RELL1: variants seen among roughly 807,000 people sequenced by gnomAD.
RELL1 encodes RELT like 1, also known as RELT-like protein 1.
RELL1 carries 10 observed loss-of-function variants against 23.0 expected under a neutral mutation model. That is an observed-to-expected ratio of 0.43 (90% CI 0.27 to 0.74). The LOEUF is 0.74. RELL1 is among the 30% of genes least tolerant of loss of function. RELL1 has a pLI of 0.19. For synonymous variants in RELL1, 146 were observed against 146.8 expected (o/e 0.99, Z 0.04); for missense variants, 315 against 364.4 (o/e 0.86, Z 1.10).
rs1188466400 is a variant in RELL1, at chr4:37,649,514, C to A, written c.89-14G>T. On this transcript the variant is annotated splice_polypyrimidine_tract_variant and intron_variant, in intron 1 of 6. Coordinates refer to ENST00000454158, the MANE Select transcript of RELL1 (RefSeq NM_001085400.2). Reference sequence around the variant, plus strand: ...TGCTCCCATTGTCTACAGAAAGAAACATGCATGCTGCATTAGATATCTGTC... The same window carrying A: ...TGCTCCCATTGTCTACAGAAAGAAAAATGCATGCTGCATTAGATATCTGTC... 1 of 1,605,208 alleles carries A rather than the reference C, an allele frequency of 6.2e-7. No homozygotes were observed. The highest frequency in any genetic ancestry group is 1.1e-5 in the South Asian group (1 of 90,826).
At chr4:37,598,108 G>C (rs537102934) in intron 6 of RELL1, among the ~76,000 whole-genome samples, 1 of 79,866 alleles carries the variant, frequency 1.3e-5, no homozygotes, top group Non-Finnish European at 3.1e-5. Context: ...TCCTCCTATA[G>C]CTACTTTTCT....
downstream of RELL1, among the ~76,000 whole-genome samples, chr4:37,605,800 A>AAAG (rs1491427000): frequency 1.0e-5 from 1 of 98,980 alleles, no homozygotes; most frequent in East Asian, 2.3e-4. Flanking sequence ...AAAGAGAAAG[A>AAAG]AAGAAAGAAA....
chr4:37,679,728 G>A (rs1722140280), intron 1 of RELL1, among the ~76,000 whole-genome samples: 1 of 152,142 alleles, frequency 6.6e-6, no homozygotes, highest in Non-Finnish European at 1.5e-5. Context: ...GCCGAGGTGG[G>A]TGGATCACAT....
chr4:37,643,496 GGAAAA>G (rs1482868332), intron 3 of RELL1, among the ~76,000 whole-genome samples: 1 of 152,110 alleles, frequency 6.6e-6, no homozygotes, highest in African/African-American at 2.4e-5. Flanking sequence ...CATGAATCCA[GGAAAA>G]GAAAACCTAA....
rs1048557266 is a variant in RELL1 at position 37,686,284 on chromosome 4, C to T, written c.4G>A (p.Ala2Thr). The T allele has an allele frequency of 3.9e-6, 6 of 1,523,514 alleles. No homozygotes were observed. The African/African-American group carries it at 8.6e-5, about 22-fold the overall frequency. The allele number at this position is 1,523,514 out of a possible 1,614,324, so 94.4% of individuals were successfully genotyped here. A position where few individuals can be genotyped will look rare whatever the true frequency, so the allele number is the denominator to read the frequency against. The change falls in exon 1 of 7, where the codon GCT becomes ACT. Residue 2 changes from alanine to threonine, a missense_variant. Coordinates refer to ENST00000454158, the MANE Select transcript of RELL1 (RefSeq NM_001085400.2). M[A>T]PRALPGSAVL... ...GCGGACCCCGGGAGTGCCCGCGGAG[C>T]CATCGCCGCGTCGCTTCGCCCTCCT...
intron 6 of RELL1, among the ~76,000 whole-genome samples, chr4:37,627,253 A>G (rs1719984976): frequency 6.6e-6 from 1 of 152,210 alleles, no homozygotes; most frequent in Non-Finnish European, 1.5e-5. Context: ...CAGCGAATGG[A>G]ACAAAAGAGG....
chr4:37,675,745 A>G (rs1722007011), intron 1 of RELL1, among the ~76,000 whole-genome samples: 1 of 152,184 alleles, frequency 6.6e-6, no homozygotes, highest in African/African-American at 2.4e-5. Flanking sequence ...AGAGGACAGG[A>G]TACATACAGC....
downstream of RELL1, among the ~76,000 whole-genome samples, chr4:37,609,324 G>C (rs1028409251): frequency 6.6e-6 from 1 of 152,174 alleles, no homozygotes; most frequent in African/African-American, 2.4e-5. Context: ...AAAGCCCACT[G>C]TTGAGACCTA....
rs1194199310 is a variant in RELL1 at position 37,612,332 on chromosome 4, AAAAAAAC to A, written c.*1007_*1013del. Among the ~76,000 whole-genome samples, 3 of 24,902 alleles carry A rather than the reference AAAAAAAC, an allele frequency of 1.2e-4. No homozygotes were observed. The highest frequency in any genetic ancestry group is 5.1e-4 in the Admixed American group (1 of 1,954). 16.3% of individuals were successfully genotyped at this position (24,902 alleles called of 152,430 possible). ...CGCTCAGCTAAAGGTTAAAAAAAAAAAAAAAACAAAAAAAAACAAAAAACCGGGTGCA... is the reference window on the plus strand; with the variant it reads ...CGCTCAGCTAAAGGTTAAAAAAAAAAAAAAAAAAACAAAAAACCGGGTGCA... On this transcript the variant is annotated 3_prime_UTR_variant, in exon 7 of 7. Coordinates refer to ENST00000454158, the MANE Select transcript of RELL1 (RefSeq NM_001085400.2).
chr4:37,624,594 T>C (rs1033162853), intron 6 of RELL1, among the ~76,000 whole-genome samples: 3 of 151,880 alleles, frequency 2.0e-5, no homozygotes, highest in Non-Finnish European at 4.4e-5. Flanking sequence ...CGGCTAATTT[T>C]TTTTTTTGTA....
At chr4:37,646,106 G>A (rs1340762151) in intron 3 of RELL1, among the ~76,000 whole-genome samples, 1 of 152,182 alleles carries the variant, frequency 6.6e-6, no homozygotes, top group Admixed American at 6.5e-5. Context: ...AAAGCCCAGG[G>A]GAAACATTTT....
chr4:37,645,732 C>A (rs6825199), intron 3 of RELL1, among the ~76,000 whole-genome samples: 48,047 of 152,104 alleles, frequency 0.32, 7,773 homozygotes, highest in Middle Eastern at 0.37. Flanking sequence ...TGTAACTGAA[C>A]TAACTTTATA....
At chr4:37,655,769 C>A (rs967326836) in intron 1 of RELL1, among the ~76,000 whole-genome samples, 3 of 152,222 alleles carry the variant, frequency 2.0e-5, no homozygotes, top group African/African-American at 7.2e-5. Context: ...CATTGAGCAA[C>A]TGGATCTGCT....
At chr4:37,682,749 G>A (rs1005018864) in intron 1 of RELL1, among the ~76,000 whole-genome samples, 1 of 152,166 alleles carries the variant, frequency 6.6e-6, no homozygotes, top group Admixed American at 6.5e-5. Flanking sequence ...CTGGCTAAGA[G>A]AGACCCCAGA....
intron 1 of RELL1, among the ~76,000 whole-genome samples, chr4:37,669,176 G>C (rs1176060050): frequency 4.4e-5 from 1 of 22,978 alleles, no homozygotes; most frequent in Admixed American, 3.4e-4. Context: ...CGTCCGGGAG[G>C]GAGGTGGGGG....
intron 6 of RELL1, among the ~76,000 whole-genome samples, chr4:37,614,364 G>C (rs1018854010): frequency 2.0e-5 from 3 of 152,094 alleles, no homozygotes; most frequent in Admixed American, 1.3e-4. Flanking sequence ...GAGGAAGAAT[G>C]AGGGAGACAG....
rs1176185881 is a variant in RELL1, at chr4:37,635,065, CT to C, written c.501del (p.Thr170ArgfsTer34). On this transcript the variant is annotated frameshift_variant, in exon 5 of 7. Coordinates refer to ENST00000454158, the MANE Select transcript of RELL1 (RefSeq NM_001085400.2). LOFTEE classifies it high-confidence loss of function. ...CAGACGTGCTTCCCTGGCGTCCCCCCTGGTGACAAAGGCCCAGGACTCACTG... is the reference window on the plus strand; with the variant it reads ...CAGACGTGCTTCCCTGGCGTCCCCCCGGTGACAAAGGCCCAGGACTCACTG... ...SPPVSPGPLS[P>X]GGTPGKHVCG... The C allele has an allele frequency of 4.3e-6, 7 of 1,614,126 alleles. No individual in the cohort carries two copies. Among genetic ancestry groups the C allele is most frequent in the South Asian group, 1.1e-5 (1 of 91,090 alleles).
chr4:37,683,236 G>A (rs927000171), intron 1 of RELL1, among the ~76,000 whole-genome samples: 1 of 152,150 alleles, frequency 6.6e-6, no homozygotes, highest in Non-Finnish European at 1.5e-5. Flanking sequence ...AGAGCAGTGG[G>A]GTACAGTGGA....
chr4:37,665,265 G>A (rs1420400701), intron 1 of RELL1: 2 of 456,150 alleles, frequency 4.4e-6, no homozygotes, highest in African/African-American at 4.0e-5. Flanking sequence ...TTTCAGAGCT[G>A]GACAACTGAT....
Sources: gnomAD v4.1 joint callset for allele counts (sites outside exome capture counted in the v4.1 genomes callset) on GRCh38, gnomAD v4.1.1 for gene constraint, MANE v1.5 for transcripts, NCBI Gene and HGNC (gene_info 2026-07-23, HGNC 2026-07-21) for gene names.